The following IFT25 variants were observed in gnomAD, a reference collection of about 807,000 sequenced individuals.
IFT25 encodes intraflagellar transport protein 25 homolog.
At chr1:53,936,907 C>T in the IFT25 span, among the ~76,000 whole-genome samples, 1 of 152,014 alleles carries the variant, frequency 6.6e-6, no homozygotes, top group Admixed American at 6.6e-5. Flanking sequence ...GTTGCCCAGG[C>T]TAGTCTCAAA....
At chr1:53,925,427 G>A in the IFT25 span, among the ~76,000 whole-genome samples, 1 of 152,006 alleles carries the variant, frequency 6.6e-6, no homozygotes, top group East Asian at 1.9e-4. Flanking sequence ...TTGGGAGGCT[G>A]AGGCGGGCAG....
the IFT25 span, chr1:53,923,709 A>C: frequency 1.6e-5 from 8 of 486,990 alleles, no homozygotes; most frequent in Non-Finnish European, 2.9e-5. Context: ...GTCACTCTCT[A>C]TGAAAGGTAA....
the IFT25 span, among the ~76,000 whole-genome samples, chr1:53,913,140 A>C: frequency 1.3e-5 from 2 of 152,190 alleles, no homozygotes. Context: ...CCTTCACCTG[A>C]GTGTGGCCCA....
the IFT25 span, among the ~76,000 whole-genome samples, chr1:53,926,960 T>G: frequency 6.6e-6 from 1 of 151,994 alleles, no homozygotes; most frequent in African/African-American, 2.4e-5. Flanking sequence ...CCTGGACTCA[T>G]GCAATCCTCC....
At chr1:53,943,741 A>G in the IFT25 span, among the ~76,000 whole-genome samples, 1 of 151,982 alleles carries the variant, frequency 6.6e-6, no homozygotes, top group Middle Eastern at 3.4e-3. Context: ...CTCCCACCTC[A>G]GCCTTCCTAG....
chr1:53,945,240 C>T, the IFT25 span, among the ~76,000 whole-genome samples: 90 of 152,338 alleles, frequency 5.9e-4, 2 homozygotes, highest in East Asian at 0.013. Context: ...TGTTACGTTG[C>T]GGCTGACAGC....
chr1:53,918,884 G>A, the IFT25 span, among the ~76,000 whole-genome samples: 1 of 152,212 alleles, frequency 6.6e-6, no homozygotes, highest in East Asian at 1.9e-4. Context: ...TGTTGTCCAG[G>A]CTGGAGTGCA....
At chr1:53,917,178 CAAA>C in the IFT25 span, 11,510 of 144,056 alleles carry the variant, frequency 0.08, 800 homozygotes, top group African/African-American at 0.19. Flanking sequence ...GACTCCATCT[CAAA>C]AAAAAAAAAT....
chr1:53,928,263 A>C, the IFT25 span: 1 of 837,602 alleles, frequency 1.2e-6, no homozygotes, highest in Non-Finnish European at 1.9e-6. Flanking sequence ...TGTCACAAGG[A>C]TCATTAAAGT....
chr1:53,923,752 A>G, the IFT25 span: 2 of 599,026 alleles, frequency 3.3e-6, no homozygotes, highest in Non-Finnish European at 2.9e-6. Context: ...TTTAGCTTAT[A>G]TTATTATTGA....
At chr1:53,918,922 T>C in the IFT25 span, among the ~76,000 whole-genome samples, 2 of 152,150 alleles carry the variant, frequency 1.3e-5, no homozygotes, top group African/African-American at 2.4e-5. Flanking sequence ...CACTGCAACC[T>C]CTGCTTCTCA....
At chr1:53,927,819 C>G in the IFT25 span, among the ~76,000 whole-genome samples, 1 of 152,122 alleles carries the variant, frequency 6.6e-6, no homozygotes, top group Non-Finnish European at 1.5e-5. Flanking sequence ...ACTCTTCAAT[C>G]TGCTTTCTCT....
the IFT25 span, among the ~76,000 whole-genome samples, chr1:53,914,991 T>G: frequency 1.2e-4 from 18 of 152,378 alleles, no homozygotes; most frequent in Admixed American, 9.1e-4. Context: ...AATAAGTATT[T>G]ACTGGTTTAA....
At chr1:53,929,771 T>C in the IFT25 span, 2 of 328,484 alleles carry the variant, frequency 6.1e-6, no homozygotes, top group Non-Finnish European at 1.0e-5. Context: ...GTAAATTGCA[T>C]GGAAATTATT....
At chr1:53,915,450 A>G in the IFT25 span, among the ~76,000 whole-genome samples, 28 of 152,354 alleles carry the variant, frequency 1.8e-4, no homozygotes, top group Admixed American at 3.3e-4. Flanking sequence ...TACTTGGGCC[A>G]TCATTAATAT....
the IFT25 span, chr1:53,921,705 T>C: frequency 6.2e-7 from 1 of 1,613,890 alleles, no homozygotes; most frequent in Non-Finnish European, 8.5e-7. Context: ...TATGCACAGA[T>C]GCAAAATGAT....
the IFT25 span, among the ~76,000 whole-genome samples, chr1:53,933,451 A>G: frequency 1.5e-4 from 23 of 152,090 alleles, no homozygotes; most frequent in Non-Finnish European, 2.5e-4. Context: ...CTTCCTAATG[A>G]ACGGACTCTC....
chr1:53,922,421 T>TAA, the IFT25 span, among the ~76,000 whole-genome samples: 6 of 151,620 alleles, frequency 4.0e-5, no homozygotes, highest in African/African-American at 1.5e-4. Flanking sequence ...AGTGTCTTTC[T>TAA]AAAGTATTTT....
chr1:53,937,341 ACTT>A, the IFT25 span, among the ~76,000 whole-genome samples: 1,412 of 152,086 alleles, frequency 9.3e-3, 17 homozygotes, highest in African/African-American at 0.033. Context: ...CTGGTCTTGA[ACTT>A]CTGACCTCAA....
Sources: allele counts gnomAD v4.1 joint callset (sites outside exome capture counted in the v4.1 genomes callset), GRCh38; gene constraint gnomAD v4.1.1; transcripts MANE v1.5; gene names NCBI Gene and HGNC (gene_info 2026-07-23, HGNC 2026-07-21).